The following PEX14 variants were observed in gnomAD, a reference collection of about 807,000 sequenced individuals.
PEX14 encodes peroxisomal biogenesis factor 14.
PEX14 carries 15 observed loss-of-function variants against 49.5 expected under a neutral mutation model. That is an observed-to-expected ratio of 0.30 (90% confidence interval 0.20 to 0.47). PEX14 has a LOEUF of 0.47. Among genes scored for constraint, PEX14 ranks in the 20% least tolerant of loss-of-function variants. The pLI is 1.00. For synonymous variants in PEX14, 210 were observed against 212.7 expected (o/e 0.99, Z 0.11); for missense variants, 398 against 494.8 (o/e 0.80, Z 1.86).
intron 1 of PEX14, among the ~76,000 whole-genome samples, chr1:10,493,167 C>T (rs1405761363): frequency 6.6e-6 from 1 of 152,126 alleles, no homozygotes; most frequent in Non-Finnish European, 1.5e-5. Context: ...CCTTGTAGGC[C>T]ACGCTGAGGT....
At chr1:10,486,180 C>T (rs1050242434) in intron 1 of PEX14, among the ~76,000 whole-genome samples, 1 of 152,108 alleles carries the variant, frequency 6.6e-6, no homozygotes, top group African/African-American at 2.4e-5. Flanking sequence ...TGCTTTATTG[C>T]ACTGTCTAGG....
intron 2 of PEX14, among the ~76,000 whole-genome samples, chr1:10,513,552 C>G (rs1381921647): frequency 6.6e-6 from 1 of 152,162 alleles, no homozygotes; most frequent in Non-Finnish European, 1.5e-5. Context: ...CCAAGTGTCC[C>G]TCGCAGGTTC....
At chr1:10,528,044 T>C (rs1315564158) in intron 2 of PEX14, among the ~76,000 whole-genome samples, 1 of 152,186 alleles carries the variant, frequency 6.6e-6, no homozygotes. Flanking sequence ...CACATAATTT[T>C]TTGGTCCAGA....
intron 3 of PEX14, among the ~76,000 whole-genome samples, chr1:10,578,722 G>C (rs1640224954): frequency 1.3e-5 from 2 of 152,138 alleles, no homozygotes; most frequent in African/African-American, 4.8e-5. Flanking sequence ...GTGGAGATAA[G>C]GAAGTTGTGA....
intron 3 of PEX14, among the ~76,000 whole-genome samples, chr1:10,549,413 G>C (rs1301088517): frequency 1.3e-5 from 2 of 152,204 alleles, no homozygotes; most frequent in African/African-American, 2.4e-5. Flanking sequence ...CGAATTTGAA[G>C]AAGAGGCAGC....
At chr1:10,616,527 G>T (rs866730171) in intron 4 of PEX14, among the ~76,000 whole-genome samples, 35 of 152,116 alleles carry the variant, frequency 2.3e-4, no homozygotes, top group Admixed American at 1.8e-3. Flanking sequence ...GGCGCCTTCC[G>T]GATAGCTCTC....
At chr1:10,622,578 A>G (rs1241736740) in intron 5 of PEX14, among the ~76,000 whole-genome samples, 2 of 152,180 alleles carry the variant, frequency 1.3e-5, no homozygotes, top group African/African-American at 4.8e-5. Flanking sequence ...AAATGTTCAC[A>G]ATTCAGGAGA....
chr1:10,583,149 C>T (rs925133415), intron 3 of PEX14, among the ~76,000 whole-genome samples: 12 of 152,074 alleles, frequency 7.9e-5, no homozygotes, highest in South Asian at 2.1e-4. Context: ...CGTACCCCTC[C>T]GGACCTCTCA....
Position 10,495,714 on chromosome 1 carries a change from A to G in PEX14, c.84+393A>G, listed in dbSNP as rs1641548309. 6.6e-6 allele frequency among the ~76,000 whole-genome samples: 1 copy of G among 152,190 alleles called. No homozygotes were observed. Among genetic ancestry groups the G allele is most frequent in the Non-Finnish European group, 1.5e-5 (1 of 68,036 alleles). Reference sequence around the variant, plus strand: ...GGTGCGAGCGCCTCAGTGGTCTTTAAAGAACAGGTAAGCGATGGAATTCTG... The same window carrying G: ...GGTGCGAGCGCCTCAGTGGTCTTTAGAGAACAGGTAAGCGATGGAATTCTG... On this transcript the variant is annotated intron_variant, in intron 2 of 8. Transcript: ENST00000356607. This position sits in a 1 kb window ranked among gnomAD's most constrained non-coding sequence, Gnocchi z 4.2.
chr1:10,624,406 A>G lies in PEX14; in HGVS notation c.554A>G (p.Gln185Arg). 2 of 1,613,252 alleles carry G rather than the reference A, an allele frequency of 1.2e-6. No individual in the cohort carries two copies. The highest frequency in any genetic ancestry group is 8.5e-7 in the Non-Finnish European group (1 of 1,179,642). ...ELLIQQQQKIQELAHELAAAK... is the reference protein window; with the variant it reads ...ELLIQQQQKIRELAHELAAAK... ...CTGATTCAGCAGCAGCAGAAGATCC[A>G]GGAGCTTGCCCACGAGCTGGCCGCT... The change falls in exon 7 of 9, where the codon CAG becomes CGG. Residue 185 changes from glutamine (Q) to arginine (R), a missense_variant. By Grantham distance (43) the Gln-to-Arg change is conservative. Transcript: ENST00000356607.
chr1:10,524,462 C>A, intron 2 of PEX14: 1 of 941,816 alleles, frequency 1.1e-6, no homozygotes, highest in Non-Finnish European at 1.3e-6. Context: ...GGAAGATGCT[C>A]AATAAACTGA....
chr1:10,486,889 ATCTTGGCC>A (rs1199735439), intron 1 of PEX14, among the ~76,000 whole-genome samples: 1 of 151,944 alleles, frequency 6.6e-6, no homozygotes, highest in East Asian at 1.9e-4. Context: ...GGGTTTCACC[ATCTTGGCC>A]AGGCTGGTCT....
rs1641835707 is a variant in PEX14, at chr1:10,629,198, G to A, written c.678-333G>A. Among the ~76,000 whole-genome samples, 1 of 152,232 alleles carries A rather than the reference G, an allele frequency of 6.6e-6. No individual in the cohort carries two copies. The highest frequency in any genetic ancestry group is 2.1e-4 in the South Asian group (1 of 4,834). On this transcript the variant is annotated intron_variant, in intron 8 of 8. Transcript: ENST00000356607. This position sits in a 1 kb window ranked among gnomAD's most constrained non-coding sequence, Gnocchi z 8.5. ...CCACTGGGTTGGAGGCAGGGATGGT[G>A]CTGAGGATCAGAAGGAAGCAGGCTC...
At chr1:10,498,328 A>G (rs1244708790) in intron 2 of PEX14, among the ~76,000 whole-genome samples, 1 of 151,444 alleles carries the variant, frequency 6.6e-6, no homozygotes, top group Non-Finnish European at 1.5e-5. Context: ...AAGAATGAAA[A>G]TAAAAGTAAA....
In PEX14 at chr1:10,500,168, C is replaced by T. The variant is rs546781885; in HGVS notation, c.84+4847C>T. Among the ~76,000 whole-genome samples the T allele has an allele frequency of 4.5e-3, 675 of 151,012 alleles. 7 individuals are homozygous for T. The highest frequency in any genetic ancestry group is 0.016 in the African/African-American group (638 of 41,112). On this transcript the variant is annotated intron_variant, in intron 2 of 8. Coordinates refer to ENST00000356607, the MANE Select transcript of PEX14 (RefSeq NM_004565.3). ...CTGTAATCCCAGCACTGTGGGAGGC[C>T]GAGGCGGGTGGATCACCTGAGGTCA...
chr1:10,524,474 T>C, intron 2 of PEX14: 1 of 908,860 alleles, frequency 1.1e-6, no homozygotes, highest in Non-Finnish European at 1.3e-6. Flanking sequence ...ATAAACTGAT[T>C]TGCTTAATGG....
At chr1:10,485,432 T>C (rs548934075) in intron 1 of PEX14, among the ~76,000 whole-genome samples, 4 of 148,212 alleles carry the variant, frequency 2.7e-5, no homozygotes, top group Non-Finnish European at 5.9e-5. Flanking sequence ...TCCTCCAGCC[T>C]CAGCCTCCTG....
At chr1:10,621,342 C>A (rs201458520) in intron 5 of PEX14, among the ~76,000 whole-genome samples, 1 of 108,008 alleles carries the variant, frequency 9.3e-6, no homozygotes, top group South Asian at 3.0e-4. Context: ...TATATGAATT[C>A]TTTTTTTTTT....
intron 6 of PEX14, 25 bp from the exon 7 acceptor site, chr1:10,624,315 C>G (rs759652882): frequency 2.5e-5 from 37 of 1,498,114 alleles, no homozygotes. Context: ...AATTTGCCAG[C>G]GCCGTGACTG....
Sources: allele counts gnomAD v4.1 joint callset (sites outside exome capture counted in the v4.1 genomes callset), GRCh38; gene constraint gnomAD v4.1.1; non-coding constraint Gnocchi (gnomAD v3.1); transcripts MANE v1.5; gene names NCBI Gene and HGNC (gene_info 2026-07-23, HGNC 2026-07-21).